Variants in DNAH7 observed in about 807,000 individuals in gnomAD.
DNAH7 encodes the protein axonemal beta dynein heavy chain 7.
A neutral mutation model predicts 444.6 loss-of-function variants in DNAH7; 397 were observed. The ratio of observed to expected loss-of-function variants is 0.89; its 90% CI spans 0.82 to 0.97. The LOEUF (loss-of-function observed/expected upper bound fraction) is 0.97. Ranked by LOEUF, DNAH7 falls within the 50% of genes least tolerant of loss-of-function variation. DNAH7 has a pLI of 0.00. For synonymous variants in DNAH7, 1,636 were observed against 1,624.4 expected, an observed-to-expected ratio of 1.01 and a Z score of -0.17; for missense variants, 4,902 against 4,800.8, an observed-to-expected ratio of 1.02 and a Z score of -0.62.
chr2:196,056,770 T>C (rs1394187612), intron 2 of DNAH7, among the ~76,000 whole-genome samples: 3 of 152,214 alleles, frequency 2.0e-5, no homozygotes, highest in African/African-American at 7.2e-5. Context: ...CTCTTATTAT[T>C]GCGTCTCAAA....
intron 57 of DNAH7, among the ~76,000 whole-genome samples, chr2:195,791,972 C>A (rs62201477): frequency 0.093 from 14,120 of 152,024 alleles, 734 homozygotes; most frequent in African/African-American, 0.13. Flanking sequence ...TTGAGACCAG[C>A]CTGGCCAACA....
intron 64 of DNAH7, 75 bp downstream of exon 64, chr2:195,740,691 G>T (rs566154717): frequency 8.3e-6 from 3 of 362,368 alleles, no homozygotes; most frequent in South Asian, 8.2e-5. Context: ...ACACAATATG[G>T]GGTCTATTTT....
intron 8 of DNAH7, among the ~76,000 whole-genome samples, chr2:196,019,601 G>A (rs1053109290): frequency 5.9e-5 from 9 of 152,026 alleles, no homozygotes; most frequent in African/African-American, 1.7e-4. Context: ...AATGAAAACA[G>A]CAGCCAGCTA....
chr2:195,891,665 G>A lies in DNAH7; in HGVS notation c.5036C>T (p.Ala1679Val). The change falls in exon 31 of 65, where the codon GCC becomes GTC. Residue 1679 changes from alanine (A) to valine (V), a missense_variant. Physicochemically the swap from Ala to Val is moderately conservative, Grantham distance 64. Transcript: ENST00000312428. ...GVLAVSFRAF[A>V]SSVTPDRKWL... is the part of the protein sequence containing the mutation. ...AGTGTTAGAACTTACCACTGAAGAG[G>A]CAAATGCTCTAAAACTGACAGCAAG... 6.3e-7 allele frequency: 1 copy of A among 1,588,070 alleles called. No individual in the cohort carries two copies. Among genetic ancestry groups the A allele is most frequent in the Non-Finnish European group, 8.5e-7 (1 of 1,169,722 alleles).
chr2:195,924,651 G>A (rs1448121295), intron 22 of DNAH7, among the ~76,000 whole-genome samples: 1 of 151,656 alleles, frequency 6.6e-6, no homozygotes, highest in Non-Finnish European at 1.5e-5. Context: ...ATGCAGCCCT[G>A]AGGTCCTGAT....
intron 19 of DNAH7, among the ~76,000 whole-genome samples, chr2:195,945,753 T>C (rs1378487778): frequency 6.6e-6 from 1 of 152,166 alleles, no homozygotes; most frequent in Non-Finnish European, 1.5e-5. Flanking sequence ...GTTATATTTA[T>C]TGAGATGGGG....
chr2:195,753,786 C>T (rs1325444689), intron 63 of DNAH7, among the ~76,000 whole-genome samples: 2 of 152,136 alleles, frequency 1.3e-5, no homozygotes, highest in Non-Finnish European at 2.9e-5. Context: ...AAGATTTCCT[C>T]ACAATCTTTC....
At chr2:195,820,612 T>C (rs1697419287) in intron 49 of DNAH7, among the ~76,000 whole-genome samples, 1 of 152,202 alleles carries the variant, frequency 6.6e-6, no homozygotes, top group African/African-American at 2.4e-5. Flanking sequence ...TAGAAAGTAC[T>C]TTCCCAAACC....
intron 54 of DNAH7, among the ~76,000 whole-genome samples, chr2:195,805,445 G>C (rs1696665939): frequency 6.6e-6 from 1 of 152,094 alleles, no homozygotes; most frequent in Non-Finnish European, 1.5e-5. Context: ...GTGAAAACTT[G>C]TGAGGCTTAA....
In DNAH7 at chr2:196,047,356, T is replaced by C. The variant is rs1276457071; in HGVS notation, c.394A>G (p.Ile132Val). 6.3e-7 allele frequency: 1 copy of C among 1,588,420 alleles called. No individual in the cohort carries two copies. The highest frequency in any genetic ancestry group is 8.6e-7 in the Non-Finnish European group (1 of 1,166,464). The change falls in exon 5 of 65, where the codon ATT becomes GTT. Residue 132 changes from isoleucine to valine, a missense_variant. Transcript: ENST00000312428. The part of the protein sequence containing the change: ...ENFRSTLVNV[I>V]MQQDADLDSA... ...TGGTTAGCCTATACAACTTACATAA[T>C]GACATTAACAAGAGTACTTCTAAAG... is the stretch of plus-strand genomic sequence containing the variant.
chr2:195,905,784 T>C (rs1227385592), intron 27 of DNAH7: 1 of 152,162 alleles, frequency 6.6e-6, no homozygotes, highest in Non-Finnish European at 1.5e-5. Context: ...TTTGTTCTTT[T>C]TCATTAAAAA....
In DNAH7 at chr2:195,802,498, CT is replaced by C. The variant is rs1400364719; in HGVS notation, c.10177-3027del. ...CTAGGCAACGAGAACGAAACTCCAT[CT>C]CAAAAAAATTTTTTTTAAGATTAGC... On this transcript the variant is annotated intron_variant, in intron 54 of 64. Coordinates refer to ENST00000312428, the MANE Select transcript of DNAH7 (RefSeq NM_018897.3). Among the ~76,000 whole-genome samples the C allele has an allele frequency of 3.3e-5, 5 of 151,876 alleles. No individual in the cohort carries two copies. The East Asian group carries it at 9.7e-4, about 29-fold the overall frequency.
At position 196,024,503 on chromosome 2, in the gene DNAH7, A is replaced by G; in HGVS notation, c.669T>C (p.Val223=). 1.3e-6 allele frequency: 2 copies of G among 1,555,206 alleles called. No homozygotes were observed. The highest frequency in any genetic ancestry group is 1.7e-6 in the Non-Finnish European group (2 of 1,151,710). ...DYLLSVRKSI[V]DFVLKDPREK... ...CTCGAGGATCTTTTAAAACAAAATC[A>G]ACTAAAAGAAAATTTTAAAATTCTG... The change falls in exon 8 of 65, where the codon GTT becomes GTC. Residue 223 remains valine (V), a splice_region_variant and synonymous_variant. Transcript: ENST00000312428.
intron 41 of DNAH7, among the ~76,000 whole-genome samples, chr2:195,862,246 T>C (rs1003746391): frequency 6.6e-6 from 1 of 152,192 alleles, no homozygotes; most frequent in Non-Finnish European, 1.5e-5. Flanking sequence ...GGAATGTCTA[T>C]TTCTGTATGC....
At chr2:195,989,460 T>C (rs1471028089) in intron 12 of DNAH7, among the ~76,000 whole-genome samples, 4 of 152,240 alleles carry the variant, frequency 2.6e-5, no homozygotes, top group Non-Finnish European at 4.4e-5. Flanking sequence ...TTTTTTAGTA[T>C]ACCTGTTGGC....
chr2:196,037,557 A>C (rs956749478), intron 5 of DNAH7, among the ~76,000 whole-genome samples: 4 of 152,210 alleles, frequency 2.6e-5, no homozygotes, highest in Non-Finnish European at 5.9e-5. Flanking sequence ...AGATGTCACA[A>C]AAAAGAACCA....
intron 64 of DNAH7, 116 bp downstream of exon 64, chr2:195,740,650 T>TATACATACAC (rs1453163601): frequency 1.4e-5 from 1 of 72,222 alleles, no homozygotes; most frequent in African/African-American, 6.6e-5. Flanking sequence ...TATATACATA[T>TATACATACAC]ACACACACAC....
At chr2:196,027,525 A>T (rs1695766303) in intron 6 of DNAH7, among the ~76,000 whole-genome samples, 1 of 152,096 alleles carries the variant, frequency 6.6e-6, no homozygotes, top group Non-Finnish European at 1.5e-5. Flanking sequence ...GAAAAAATTT[A>T]AATGTCAAAA....
At position 195,881,923 on chromosome 2, in the gene DNAH7, A is replaced by G; in HGVS notation, c.5833T>C (p.Phe1945Leu). Residue 1945 changes from phenylalanine (F) to leucine (L), a missense_variant, in exon 36 of 65, where the codon TTT becomes CTT. Physicochemically the swap from Phe to Leu is conservative, Grantham distance 22. Transcript: ENST00000312428. ...EAPPIPKDVM[F>L]NEIIVPTLDT... ...AGAGTTGGCACAATGATTTCATTAAACATTACATCTTTAGGAATTGGAGGA... is the reference window on the plus strand; with the variant it reads ...AGAGTTGGCACAATGATTTCATTAAGCATTACATCTTTAGGAATTGGAGGA... 6.2e-7 allele frequency: 1 copy of G among 1,614,008 alleles called. No individual in the cohort carries two copies. The highest frequency in any genetic ancestry group is 1.7e-5 in the Admixed American group (1 of 60,026).
Sources: gnomAD v4.1 joint callset for allele counts (sites outside exome capture counted in the v4.1 genomes callset) on GRCh38, gnomAD v4.1.1 for gene constraint, MANE v1.5 for transcripts, NCBI Gene and HGNC (gene_info 2026-07-23, HGNC 2026-07-21) for gene names.